Variants in ZNF195 observed in about 807,000 individuals in gnomAD.
ZNF195 encodes zinc finger protein 195.
Under a neutral mutation model 19.5 loss-of-function variants are expected in ZNF195, and 11 were observed. The observed-to-expected ratio is 0.57, with a 90% CI of 0.36 to 0.94. ZNF195 has a LOEUF of 0.94. Ranked by LOEUF, ZNF195 falls within the 40% of genes least tolerant of loss-of-function variation. ZNF195 has a pLI of 0.01. For missense variants in ZNF195, 582 were observed against 709.0 expected (o/e 0.82, Z 2.03); for synonymous variants, 214 against 248.1 (o/e 0.86, Z 1.29).
chr11:3,362,880 T>C (rs976089856), intron 3 of ZNF195: 4 of 210,580 alleles, frequency 1.9e-5, no homozygotes, highest in Non-Finnish European at 2.8e-5. Context: ...AGACTGAAAG[T>C]GGCAAGATGG....
At chr11:3,362,559 T>C in intron 3 of ZNF195, 2 of 596,810 alleles carry the variant, frequency 3.4e-6, no homozygotes, top group Non-Finnish European at 3.0e-6. Context: ...GTTGTAACTT[T>C]AAGATGTTTT....
intron 1 of ZNF195, among the ~76,000 whole-genome samples, chr11:3,374,931 T>C (rs904702202): frequency 1.3e-5 from 2 of 152,180 alleles, no homozygotes; most frequent in Non-Finnish European, 2.9e-5. Context: ...AAAAGAAAAA[T>C]TAAGGCTCCA....
At chr11:3,370,807 AGAAT>A (rs1849167924) in intron 3 of ZNF195, 164 bp downstream of exon 3, 2 of 583,610 alleles carry the variant, frequency 3.4e-6, no homozygotes, top group South Asian at 5.5e-5. Flanking sequence ...AAAATTTGAG[AGAAT>A]GAGACAGAAG....
At chr11:3,372,449 C>T (rs1039985203) in intron 1 of ZNF195, among the ~76,000 whole-genome samples, 1 of 152,224 alleles carries the variant, frequency 6.6e-6, no homozygotes, top group African/African-American at 2.4e-5. Flanking sequence ...CGTGCCAATG[C>T]ACAGAGAAGG....
Position 3,359,209 on chromosome 11 carries a change from T to C in ZNF195, c.1799A>G (p.His600Arg), listed in dbSNP as rs1480001677. ...ACACTTGTAGGGTTTCTCTCCAGTA[T>C]GAATTCTCTTATGTACAATAAGGTT... is the stretch of plus-strand genomic sequence containing the variant. ...SSNLIVHKRI[H>R]TGEKPYKCEK... Residue 600 changes from histidine (H) to arginine (R), a missense_variant, in exon 6 of 6, where the codon CAT becomes CGT. By Grantham distance (29) the His-to-Arg change is conservative. This residue lies in a region of ZNF195 where 407 missense variants were observed against 530.5 expected (regional missense o/e 0.77). Transcript: ENST00000399602. The surrounding 1 kb of genome is among the most constrained non-coding windows in gnomAD (Gnocchi z 5.5). 3 of 1,614,114 alleles carry C rather than the reference T, an allele frequency of 1.9e-6. No homozygotes were observed. Among genetic ancestry groups the C allele is most frequent in the South Asian group, 2.2e-5 (2 of 91,026 alleles).
At chr11:3,364,971 A>G (rs1240835373) in intron 3 of ZNF195, among the ~76,000 whole-genome samples, 1 of 152,244 alleles carries the variant, frequency 6.6e-6, no homozygotes, top group Admixed American at 6.5e-5. Context: ...ATTCCATGCA[A>G]TTAGTAACCA....
rs1564909995 is a variant in ZNF195 at position 3,359,157 on chromosome 11, CT to C, written c.1850del (p.Gln617ArgfsTer5). ...KCEKCGKAFTQFSHLTVHESI... is the reference protein window; with the variant it reads ...KCEKCGKAFTXFSHLTVHESI... The stretch of plus-strand genomic sequence containing the variant: ...TTTCATGTACAGTCAGGTGTGAGAA[CT>C]GGGTGAAGGCTTTGCCACACTTTTC... On this transcript the variant is annotated frameshift_variant, in exon 6 of 6. Coordinates refer to ENST00000399602, the MANE Select transcript of ZNF195 (RefSeq NM_001130520.3). LOFTEE classifies it low-confidence loss of function (END_TRUNC). The surrounding 1 kb of genome is among the most constrained non-coding windows in gnomAD (Gnocchi z 5.5). 6.2e-7 allele frequency: 1 copy of C among 1,601,554 alleles called. No individual in the cohort carries two copies. The highest frequency in any genetic ancestry group is 1.3e-5 in the African/African-American group (1 of 74,160).
intron 1 of ZNF195, 129 bp from the exon 2 acceptor site, chr11:3,371,832 C>T: frequency 1.8e-6 from 2 of 1,102,016 alleles, no homozygotes; most frequent in Non-Finnish European, 2.5e-6. Context: ...GAAGAATACT[C>T]TCTAACTCTG....
rs886631715 is a variant in ZNF195, at chr11:3,373,746, A to G, written c.4-2043T>C. ...CATCAACAGAAAGACCAAGAAATAC[A>G]GAAAAAGTCCACGCTTTTCTGTTCT... On this transcript the variant is annotated intron_variant, in intron 1 of 5. Coordinates refer to ENST00000399602, the MANE Select transcript of ZNF195 (RefSeq NM_001130520.3). 11 of 919,646 alleles carry G rather than the reference A, an allele frequency of 1.2e-5. No homozygotes were observed. The African/African-American group carries it at 1.5e-4, about 12-fold the overall frequency. The allele number at this position is 919,646 out of a possible 1,614,324, so 57.0% of individuals were successfully genotyped here.
chr11:3,370,881 G>A, intron 3 of ZNF195, 94 bp downstream of exon 3: 2 of 1,259,994 alleles, frequency 1.6e-6, no homozygotes, highest in Admixed American at 1.7e-5. Flanking sequence ...TCTCCACTAG[G>A]GCAGAGCTTC....
intron 3 of ZNF195, 142 bp downstream of exon 3, chr11:3,370,833 G>T: frequency 1.4e-6 from 1 of 728,654 alleles, no homozygotes; most frequent in Non-Finnish European, 2.4e-6. Context: ...CGCTCCTAGG[G>T]TACAGCAAGA....
chr11:3,361,369 A>G lies in ZNF195; in HGVS notation c.373+374T>C, dbSNP rs556995394. Among the ~76,000 whole-genome samples, 5 of 152,354 alleles carry G rather than the reference A, an allele frequency of 3.3e-5. No individual in the cohort carries two copies. In the East Asian group the frequency reaches 9.6e-4, roughly 29 times the overall value. On this transcript the variant is annotated intron_variant, in intron 4 of 5. Transcript: ENST00000399602. Reference sequence around the variant, plus strand: ...CATGGCATAATCAAAGAAATAAAAAAAGTTCAGAAATCAACCCTAAAATGA... The same window carrying G: ...CATGGCATAATCAAAGAAATAAAAAGAGTTCAGAAATCAACCCTAAAATGA...
At chr11:3,372,656 G>GTTCTGACAAATAAATATCTCCCAGC (rs1849270531) in intron 1 of ZNF195, among the ~76,000 whole-genome samples, 3 of 151,844 alleles carry the variant, frequency 2.0e-5, no homozygotes, top group Non-Finnish European at 4.4e-5. Context: ...TATCTCCCAG[G>GTTCTGACAAATAAATATCTCCCAGC]TTCTGACAAA....
At position 3,358,363 on chromosome 11, in the gene ZNF195, A is replaced by C. The variant is rs1183511317; in HGVS notation, c.*755T>G. 1 of 152,184 alleles carries C rather than the reference A, an allele frequency of 6.6e-6. No individual in the cohort carries two copies. The highest frequency in any genetic ancestry group is 1.5e-5 in the Non-Finnish European group (1 of 68,032). 9.4% of individuals were successfully genotyped at this position (152,184 alleles called of 1,614,324 possible). Reference sequence around the variant, plus strand: ...ACACCTATCTCATAAATCACTTACAAGTATATAAAACAACCACAAAGAGCC... The same window carrying C: ...ACACCTATCTCATAAATCACTTACACGTATATAAAACAACCACAAAGAGCC... On this transcript the variant is annotated 3_prime_UTR_variant, in exon 6 of 6. Coordinates refer to ENST00000399602, the MANE Select transcript of ZNF195 (RefSeq NM_001130520.3).
chr11:3,379,083 C>T lies in ZNF195; in HGVS notation c.-43G>A. 1 of 1,492,218 alleles carries T rather than the reference C, an allele frequency of 6.7e-7. No individual in the cohort carries two copies. The highest frequency in any genetic ancestry group is 9.0e-7 in the Non-Finnish European group (1 of 1,111,550). The allele number at this position is 1,492,218 out of a possible 1,614,324, so 92.4% of individuals were successfully genotyped here. A position where few individuals can be genotyped will look rare whatever the true frequency, so the allele number is the denominator to read the frequency against. On this transcript the variant is annotated 5_prime_UTR_variant, in exon 1 of 6. Coordinates refer to ENST00000399602, the MANE Select transcript of ZNF195 (RefSeq NM_001130520.3). The stretch of plus-strand genomic sequence containing the variant: ...GCCTGGCGTTTCACTTCTGGATCTC[C>T]CGGTGCCTGCGGGTCACACGACCTA...
rs1183521786 is a variant in ZNF195 at position 3,357,974 on chromosome 11, AGAG to A, written c.*1141_*1143del. The stretch of plus-strand genomic sequence containing the variant: ...GCTGCTTGGCTGCTCCACCACAGTT[AGAG>A]GAGGCAGCCCTGCTTACAGACTATA... On this transcript the variant is annotated 3_prime_UTR_variant, in exon 6 of 6. Coordinates refer to ENST00000399602, the MANE Select transcript of ZNF195 (RefSeq NM_001130520.3). The A allele has an allele frequency of 6.6e-6, 1 of 151,900 alleles. No individual in the cohort carries two copies. Among genetic ancestry groups the A allele is most frequent in the Admixed American group, 6.6e-5 (1 of 15,252 alleles). The allele number at this position is 151,900 out of a possible 1,614,324, so 9.4% of individuals were successfully genotyped here. A position where few individuals can be genotyped will look rare whatever the true frequency, so the allele number is the denominator to read the frequency against.
chr11:3,359,398 A>C lies in ZNF195; in HGVS notation c.1610T>G (p.Leu537Arg). The C allele has an allele frequency of 6.2e-7, 1 of 1,614,184 alleles. No individual in the cohort carries two copies. Among genetic ancestry groups the C allele is most frequent in the Non-Finnish European group, 8.5e-7 (1 of 1,180,034 alleles). The part of the protein sequence containing the change: ...CGKNFTQSSN[L>R]IVHKRIHTGE... ...AGTATGAATTCTCTTATGTACAATA[A>C]GGTTGGAGGACTGGGTAAAGTTTTT... The change falls in exon 6 of 6, where the codon CTT becomes CGT. Residue 537 changes from leucine to arginine, a missense_variant. Physicochemically the swap from Leu to Arg is moderately radical, Grantham distance 102 (BLOSUM62 -2). This residue lies in a region of ZNF195 where 407 missense variants were observed against 530.5 expected (regional missense o/e 0.77). Coordinates refer to ENST00000399602, the MANE Select transcript of ZNF195 (RefSeq NM_001130520.3). The surrounding 1 kb of genome is among the most constrained non-coding windows in gnomAD (Gnocchi z 5.5).
In ZNF195 at chr11:3,365,390, C is replaced by G. The variant is rs1345199298; in HGVS notation, c.227-3501G>C. Among the ~76,000 whole-genome samples the G allele has an allele frequency of 3.3e-5, 5 of 152,168 alleles. No homozygotes were observed. In the South Asian group the frequency reaches 8.3e-4, roughly 25 times the overall value. On this transcript the variant is annotated intron_variant, in intron 3 of 5. Transcript: ENST00000399602. ...CATTGTGTTACAACAAATAACAACTCTTAAAGATGAAAGTCTCATGACATG... is the reference window on the plus strand; with the variant it reads ...CATTGTGTTACAACAAATAACAACTGTTAAAGATGAAAGTCTCATGACATG...
rs377531343 is a variant in ZNF195, at chr11:3,361,784, C to T, written c.332G>A (p.Arg111His). The T allele has an allele frequency of 4.0e-5, 48 of 1,203,160 alleles. No homozygotes were observed. Among genetic ancestry groups the T allele is most frequent in the African/African-American group, 1.6e-4 (10 of 63,866 alleles). The allele number at this position is 1,203,160 out of a possible 1,614,324, so 74.5% of individuals were successfully genotyped here. A position where few individuals can be genotyped will look rare whatever the true frequency, so the allele number is the denominator to read the frequency against. Residue 111 changes from arginine to histidine, a missense_variant, in exon 4 of 6, where the codon CGT becomes CAT. Around this residue, in one of 3 missense-constraint regions of ZNF195, gnomAD observed 129 missense variants for 112.1 expected, o/e 1.15. Coordinates refer to ENST00000399602, the MANE Select transcript of ZNF195 (RefSeq NM_001130520.3). ...AGAAACATTGAGGCCTGGCTGGGCA[C>T]GGTGGTTCACACCTGTAATCCCAGC... ...QSAGITGVNH[R>H]AQPGLNVSVD... is the part of the protein sequence containing the mutation.
Sources: allele counts gnomAD v4.1 joint callset (sites outside exome capture counted in the v4.1 genomes callset), GRCh38; gene constraint gnomAD v4.1.1; regional missense constraint gnomAD v4.1.1; non-coding constraint Gnocchi (gnomAD v3.1); transcripts MANE v1.5; gene names NCBI Gene and HGNC (gene_info 2026-07-23, HGNC 2026-07-21).